ROCK1: variants seen among roughly 807,000 people sequenced by gnomAD.
ROCK1 encodes the protein rho-associated protein kinase 1.
A neutral mutation model predicts 196.8 loss-of-function variants in ROCK1; 36 were observed. The observed-to-expected ratio is 0.18, with a 90% confidence interval of 0.14 to 0.24. ROCK1 has a LOEUF of 0.24. Ranked by LOEUF, ROCK1 falls within the 10% of genes least tolerant of loss-of-function variation. The pLI, the probability that ROCK1 is intolerant of heterozygous loss-of-function variation, is 1.00. For missense variants in ROCK1, 920 were observed against 1,562.0 expected (o/e 0.59, Z 6.93); for synonymous variants, 443 against 515.9 (o/e 0.86, Z 1.91).
chr18:21,095,158 T>C (rs1363813634), intron 1 of ROCK1, among the ~76,000 whole-genome samples: 1 of 150,808 alleles, frequency 6.6e-6, no homozygotes, highest in Admixed American at 6.6e-5. Flanking sequence ...CAATGTGGTA[T>C]CATTTCACCC....
intron 16 of ROCK1, among the ~76,000 whole-genome samples, chr18:21,001,625 C>T (rs2035725059): frequency 6.6e-6 from 1 of 151,942 alleles, no homozygotes; most frequent in Non-Finnish European, 1.5e-5. Flanking sequence ...ATTAGCTGGG[C>T]ATGGTGGCGC....
chr18:21,064,310 T>C (rs1411011843), intron 2 of ROCK1, among the ~76,000 whole-genome samples: 2 of 152,156 alleles, frequency 1.3e-5, no homozygotes, highest in African/African-American at 4.8e-5. Flanking sequence ...CCTTCCTCCA[T>C]TGAAAAATCT....
chr18:20,961,935 G>C (rs1568368377), intron 27 of ROCK1, among the ~76,000 whole-genome samples: 1 of 144,052 alleles, frequency 6.9e-6, no homozygotes, highest in Non-Finnish European at 1.5e-5. Flanking sequence ...GGCTTTAATT[G>C]CTGCAATTTA....
At chr18:21,094,037 T>G (rs1598560963) in intron 1 of ROCK1, among the ~76,000 whole-genome samples, 1 of 151,974 alleles carries the variant, frequency 6.6e-6, no homozygotes, top group South Asian at 2.1e-4. Context: ...CCTCCAGAGC[T>G]CTATACTCAA....
rs1316784773 is a variant in ROCK1 at position 20,967,875 on chromosome 18, A to C, written c.3069T>G (p.Asn1023Lys). 6.2e-7 allele frequency: 1 copy of C among 1,601,026 alleles called. No homozygotes were observed. The highest frequency in any genetic ancestry group is 2.2e-5 in the East Asian group (1 of 44,660). Reference protein sequence around the residue: ...KDFKIDRKKANTQDLRKKEKE... With the variant: ...KDFKIDRKKAKTQDLRKKEKE... ...TTTCTTTCTTTCTCAAATCTTGTGT[A>C]TTAGCTTTCTTTCTATCAATTTTAA... The change falls in exon 26 of 33, where the codon AAT (asparagine) becomes AAG (lysine). Residue 1023 changes from asparagine to lysine, a missense_variant. By Grantham distance (94) the Asn-to-Lys change is moderately conservative. Coordinates refer to ENST00000399799, the MANE Select transcript of ROCK1 (RefSeq NM_005406.3).
intron 1 of ROCK1, among the ~76,000 whole-genome samples, chr18:21,075,861 G>A (rs1329094831): frequency 6.6e-6 from 1 of 151,564 alleles, no homozygotes; most frequent in Non-Finnish European, 1.5e-5. Flanking sequence ...GCTGAGACAG[G>A]AGAATCGCTT....
intron 29 of ROCK1, among the ~76,000 whole-genome samples, chr18:20,958,872 T>A (rs181248488): frequency 0.037 from 1,027 of 27,876 alleles, no homozygotes; most frequent in East Asian, 0.37. Flanking sequence ...ATATATATAT[T>A]ATATATATAA....
chr18:20,981,277 C>T (rs2035530609), intron 21 of ROCK1, among the ~76,000 whole-genome samples: 1 of 151,984 alleles, frequency 6.6e-6, no homozygotes. Context: ...GCCTGTAGTT[C>T]CAGCTACTCG....
chr18:21,022,511 G>A (rs1156416724), intron 11 of ROCK1, among the ~76,000 whole-genome samples: 1 of 151,956 alleles, frequency 6.6e-6, no homozygotes, highest in Non-Finnish European at 1.5e-5. Context: ...GTATTACTCT[G>A]TAGCCCTATG....
intron 1 of ROCK1, among the ~76,000 whole-genome samples, chr18:21,073,876 G>A (rs545058203): frequency 3.2e-4 from 49 of 152,320 alleles, no homozygotes; most frequent in African/African-American, 1.2e-3. Context: ...CCTTAGGCCA[G>A]ATGCTGTGGC....
chr18:20,976,863 T>C (rs1388850167), intron 22 of ROCK1, among the ~76,000 whole-genome samples: 2 of 152,158 alleles, frequency 1.3e-5, no homozygotes, highest in Non-Finnish European at 2.9e-5. Flanking sequence ...AATTTTGGCA[T>C]TCCTTAGCTC....
intron 1 of ROCK1, among the ~76,000 whole-genome samples, chr18:21,108,300 C>G (rs1275213483): frequency 6.6e-6 from 1 of 152,146 alleles, no homozygotes; most frequent in Non-Finnish European, 1.5e-5. Flanking sequence ...GATGGCTTAC[C>G]TCCTCCACTC....
At chr18:21,046,949 C>T (rs2036166045) in intron 4 of ROCK1, among the ~76,000 whole-genome samples, 1 of 152,088 alleles carries the variant, frequency 6.6e-6, no homozygotes, top group Admixed American at 6.6e-5. Flanking sequence ...AGATTACAAG[C>T]ATGGGGGCCA....
chr18:21,051,300 A>T (rs763688172), intron 2 of ROCK1, among the ~76,000 whole-genome samples: 2 of 152,102 alleles, frequency 1.3e-5, no homozygotes, highest in Non-Finnish European at 2.9e-5. Flanking sequence ...ATATTTTTTT[A>T]AAAATTAGCT....
chr18:20,978,853 G>T (rs181035361), intron 22 of ROCK1, among the ~76,000 whole-genome samples: 35 of 152,318 alleles, frequency 2.3e-4, no homozygotes, highest in Admixed American at 2.3e-3. Context: ...GATGATGATG[G>T]TTATAATGAC....
chr18:21,005,167 C>T (rs1185028015), intron 16 of ROCK1, among the ~76,000 whole-genome samples: 1 of 152,148 alleles, frequency 6.6e-6, no homozygotes, highest in African/African-American at 2.4e-5. Context: ...GTAGGTAAAG[C>T]CAGGAATCTT....
intron 2 of ROCK1, among the ~76,000 whole-genome samples, chr18:21,055,064 T>A (rs186916025): frequency 2.6e-4 from 39 of 152,302 alleles, no homozygotes; most frequent in Non-Finnish European, 5.4e-4. Flanking sequence ...CATGGTCAAT[T>A]ATTATAATCA....
At chr18:21,068,795 T>C (rs2036359017) in intron 2 of ROCK1, among the ~76,000 whole-genome samples, 1 of 152,206 alleles carries the variant, frequency 6.6e-6, no homozygotes, top group African/African-American at 2.4e-5. Context: ...TATGTGCAAC[T>C]GCTTTTTGGA....
At chr18:21,011,867 C>G (rs2035821022) in intron 13 of ROCK1, among the ~76,000 whole-genome samples, 3 of 152,122 alleles carry the variant, frequency 2.0e-5, no homozygotes, top group African/African-American at 7.2e-5. Context: ...CTTCAACTGC[C>G]TACTATAAAA....
Sources: gnomAD v4.1 joint callset for allele counts (sites outside exome capture counted in the v4.1 genomes callset) on GRCh38, gnomAD v4.1.1 for gene constraint, MANE v1.5 for transcripts, NCBI Gene and HGNC (gene_info 2026-07-23, HGNC 2026-07-21) for gene names.